PSMC1: variants seen among roughly 807,000 people sequenced by gnomAD.
PSMC1 encodes the protein 26S proteasome regulatory subunit 4.
A neutral mutation model predicts 49.8 loss-of-function variants in PSMC1; 5 were observed. The observed-to-expected ratio is 0.10, with a 90% CI of 0.05 to 0.21. PSMC1 has a LOEUF of 0.21. Ranked by LOEUF, PSMC1 falls within the 10% of genes least tolerant of loss-of-function variation. PSMC1 has a pLI of 1.00. For synonymous variants in PSMC1, 155 were observed against 192.1 expected (o/e 0.81, Z 1.60); for missense variants, 181 against 535.7 (o/e 0.34, Z 6.54).
At chr14:90,269,712 A>AT in intron 9 of PSMC1, 164 bp downstream of exon 9, 1 of 528,746 alleles carries the variant, frequency 1.9e-6, no homozygotes, top group Non-Finnish European at 3.0e-6. Flanking sequence ...GGGTTAAAAC[A>AT]GAGCATGATA....
chr14:90,256,717 G>T (rs1425310312), intron 1 of PSMC1, 117 bp downstream of exon 1: 2 of 1,472,394 alleles, frequency 1.4e-6, no homozygotes, highest in Non-Finnish European at 1.9e-6. Flanking sequence ...TTCTCCTTTT[G>T]CCGGCCTGAT....
chr14:90,268,059 T>C (rs1448183171), intron 7 of PSMC1, 165 bp from the exon 8 acceptor site: 9 of 539,382 alleles, frequency 1.7e-5, no homozygotes, highest in Non-Finnish European at 2.9e-5. Flanking sequence ...TGTCCTCTTA[T>C]CTACTTAGGA....
chr14:90,262,988 T>C (rs4904661), intron 3 of PSMC1, among the ~76,000 whole-genome samples: 83,791 of 152,040 alleles, frequency 0.55, 23,771 homozygotes, highest in Middle Eastern at 0.72. Flanking sequence ...TGTAACTTTT[T>C]ATTAGTACCT....
intron 3 of PSMC1, among the ~76,000 whole-genome samples, chr14:90,262,646 T>C (rs7159289): frequency 0.55 from 83,749 of 151,866 alleles, 23,758 homozygotes; most frequent in Middle Eastern, 0.72. Flanking sequence ...TAGCTGGGCG[T>C]GGTGGCACAC....
rs1491397403 is a variant in PSMC1 at position 90,274,838 on chromosome 14, A to ACACACACACCCCCCC, written c.*2432_*2433insACACACACCCCCCCC. On this transcript the variant is annotated 3_prime_UTR_variant, in exon 11 of 11. Coordinates refer to ENST00000261303, the MANE Select transcript of PSMC1 (RefSeq NM_002802.3). ...CACACACACACACACACACACACAC[A>ACACACACACCCCCCC]CCCCAATACATATGAATTGATCTGA... 1 of 67,184 alleles carries ACACACACACCCCCCC rather than the reference A, an allele frequency of 1.5e-5. No homozygotes were observed. The highest frequency in any genetic ancestry group is 3.2e-5 in the Non-Finnish European group (1 of 31,318). 4.2% of individuals were successfully genotyped at this position (67,184 alleles called of 1,614,324 possible).
Position 90,272,224 on chromosome 14 carries a change from G to A in PSMC1, c.1189-49G>A. Reference sequence around the variant, plus strand: ...ATAGGTTTTTTGGAATTCCTTGTTAGAATAAAAATGAGTATGTCACTTTCT... The same window carrying A: ...ATAGGTTTTTTGGAATTCCTTGTTAAAATAAAAATGAGTATGTCACTTTCT... On this transcript the variant is annotated intron_variant, in intron 10 of 10. Coordinates refer to ENST00000261303, the MANE Select transcript of PSMC1 (RefSeq NM_002802.3). The surrounding 1 kb of genome is among the most constrained non-coding windows in gnomAD (Gnocchi z 4.5). 6.3e-7 allele frequency: 1 copy of A among 1,592,660 alleles called. No individual in the cohort carries two copies. The highest frequency in any genetic ancestry group is 2.3e-4 in the Middle Eastern group (1 of 4,366).
At chr14:90,259,632 GTTA>G (rs71902279) in intron 2 of PSMC1, among the ~76,000 whole-genome samples, 83,259 of 151,064 alleles carry the variant, frequency 0.55, 23,594 homozygotes, top group Middle Eastern at 0.72. Flanking sequence ...ATTTTCATTT[GTTA>G]TTATTATTAT....
chr14:90,271,298 C>G (rs1363010009), intron 10 of PSMC1: 5 of 152,018 alleles, frequency 3.3e-5, no homozygotes. Context: ...AATTACTGGC[C>G]AAAAGAAAAA....
At chr14:90,267,582 A>C (rs1891550924) in intron 7 of PSMC1, 1 of 152,322 alleles carries the variant, frequency 6.6e-6, no homozygotes, top group South Asian at 2.1e-4. Context: ...ATGCCACAGC[A>C]GCTCTCACTG....
rs1280159896 is a variant in PSMC1 at position 90,273,612 on chromosome 14, C to G, written c.*1205C>G. 6.6e-6 allele frequency: 1 copy of G among 152,446 alleles called. No homozygotes were observed. The highest frequency in any genetic ancestry group is 1.5e-5 in the Non-Finnish European group (1 of 68,212). The allele number at this position is 152,446 out of a possible 1,614,324, so 9.4% of individuals were successfully genotyped here. On this transcript the variant is annotated 3_prime_UTR_variant, in exon 11 of 11. Transcript: ENST00000261303. ...ACAATTTTATCTCAGTTCTGTAGGT[C>G]AGAAGTCCAACACGAGTGTCTCCAG...
In PSMC1 at chr14:90,273,629, T is replaced by C. The variant is rs1325318622; in HGVS notation, c.*1222T>C. ...CTGTAGGTCAGAAGTCCAACACGAG[T>C]GTCTCCAGGCTAAAGTCTTGCTGTT... On this transcript the variant is annotated 3_prime_UTR_variant, in exon 11 of 11. Transcript: ENST00000261303. The C allele has an allele frequency of 6.6e-6, 1 of 152,386 alleles. No homozygotes were observed. The highest frequency in any genetic ancestry group is 1.5e-5 in the Non-Finnish European group (1 of 68,198). The allele number at this position is 152,386 out of a possible 1,614,324, so 9.4% of individuals were successfully genotyped here.
At chr14:90,262,349 G>GAAA (rs1891416997) in intron 3 of PSMC1, among the ~76,000 whole-genome samples, 1 of 151,872 alleles carries the variant, frequency 6.6e-6, no homozygotes, top group African/African-American at 2.4e-5. Context: ...TTTGTCCAGA[G>GAAA]AAAATGAAAT....
Position 90,263,448 on chromosome 14 carries a change from T to C in PSMC1, c.279+6T>C, listed in dbSNP as rs539482269. On this transcript the variant is annotated splice_donor_region_variant and intron_variant, in intron 4 of 10. Coordinates refer to ENST00000261303, the MANE Select transcript of PSMC1 (RefSeq NM_002802.3). ...CATTAGAAGAAAAGCAAGAGGTAAG[T>C]TGAAAAGTTACTATCATTTTCTTTT... 1.6e-5 allele frequency: 25 copies of C among 1,568,720 alleles called. No individual in the cohort carries two copies. The East Asian group carries it at 5.4e-4, about 34-fold the overall frequency.
chr14:90,264,302 G>T, intron 6 of PSMC1, 133 bp downstream of exon 6: 1 of 1,296,710 alleles, frequency 7.7e-7, no homozygotes, highest in Non-Finnish European at 1.0e-6. Flanking sequence ...CTTGCCAGTT[G>T]TGGTATTTTT....
At position 90,265,057 on chromosome 14, in the gene PSMC1, C is replaced by T; in HGVS notation, c.595-13C>T. On this transcript the variant is annotated splice_polypyrimidine_tract_variant and intron_variant, in intron 6 of 10. Transcript: ENST00000261303. ...ATTTCAGTAAAGCCTTTCATTCATA[C>T]TGTTTTTCATAGGAATCTGTGGAGC... 1 of 1,579,342 alleles carries T rather than the reference C, an allele frequency of 6.3e-7. No homozygotes were observed. The highest frequency in any genetic ancestry group is 1.7e-5 in the Admixed American group (1 of 59,258).
Position 90,259,708 on chromosome 14 carries a change from G to A in PSMC1, c.58-407G>A, listed in dbSNP as rs770523031. ...ATGATCTCGGCTCACTGCAACCTCCGCCTCCTGGGTTCAAGCAATTCTCCT... is the reference window on the plus strand; with the variant it reads ...ATGATCTCGGCTCACTGCAACCTCCACCTCCTGGGTTCAAGCAATTCTCCT... On this transcript the variant is annotated intron_variant, in intron 2 of 10. Coordinates refer to ENST00000261303, the MANE Select transcript of PSMC1 (RefSeq NM_002802.3). 5.9e-5 allele frequency among the ~76,000 whole-genome samples: 9 copies of A among 152,122 alleles called. No homozygotes were observed. In the South Asian group the frequency reaches 6.2e-4, roughly 11 times the overall value.
chr14:90,265,021 A>G (rs887256689), intron 6 of PSMC1, 49 bp from the exon 7 acceptor site: 2 of 1,355,100 alleles, frequency 1.5e-6, no homozygotes, highest in Admixed American at 3.8e-5. Flanking sequence ...CAATTAGTAA[A>G]TATGCTAATA....
intron 3 of PSMC1, among the ~76,000 whole-genome samples, chr14:90,260,585 A>G (rs973907976): frequency 6.6e-6 from 1 of 152,176 alleles, no homozygotes; most frequent in African/African-American, 2.4e-5. Context: ...ACAAAGAATT[A>G]GCTGGGCGTG....
chr14:90,259,629 T>TTTG (rs971958560), intron 2 of PSMC1, among the ~76,000 whole-genome samples: 4 of 103,244 alleles, frequency 3.9e-5, no homozygotes, highest in Non-Finnish European at 9.2e-5. Flanking sequence ...TTTATTTTCA[T>TTTG]TTGTTATTAT....
Sources: gnomAD v4.1 joint callset for allele counts (sites outside exome capture counted in the v4.1 genomes callset) on GRCh38, gnomAD v4.1.1 for gene constraint, Gnocchi (gnomAD v3.1) non-coding constraint, MANE v1.5 for transcripts, NCBI Gene and HGNC (gene_info 2026-07-23, HGNC 2026-07-21) for gene names.